The following TLL1 variants were observed in gnomAD, a reference collection of about 807,000 sequenced individuals.
The protein encoded by TLL1 is tolloid-like protein 1.
A neutral mutation model predicts 128.2 loss-of-function variants in TLL1; 49 were observed. The ratio of observed to expected loss-of-function variants is 0.38; its 90% CI spans 0.30 to 0.48. The LOEUF (loss-of-function observed/expected upper bound fraction) is 0.48. Among genes scored for constraint, TLL1 ranks in the 20% least tolerant of loss-of-function variants. The pLI is 0.96. For missense variants in TLL1, 1,123 were observed against 1,242.0 expected (o/e 0.90, Z 1.44); for synonymous variants, 454 against 418.8 (o/e 1.08, Z -1.03).
chr4:166,002,326 A>G (rs1417089766), intron 5 of TLL1, among the ~76,000 whole-genome samples: 2 of 152,192 alleles, frequency 1.3e-5, no homozygotes, highest in Admixed American at 1.3e-4. Context: ...CACCATGAAG[A>G]TCAGGTTTCA....
intron 7 of TLL1, among the ~76,000 whole-genome samples, chr4:166,013,395 C>G (rs1365658926): frequency 1.3e-5 from 2 of 151,760 alleles, no homozygotes; most frequent in African/African-American, 4.8e-5. Context: ...CTAAGTAGAG[C>G]TGAAAATGCT....
chr4:165,929,924 T>G (rs1487751636), intron 1 of TLL1, among the ~76,000 whole-genome samples: 2 of 152,228 alleles, frequency 1.3e-5, no homozygotes, highest in African/African-American at 2.4e-5. Context: ...TTTATATGAT[T>G]AAGTTTGAAG....
chr4:166,080,536 G>A (rs1485743839), intron 18 of TLL1, among the ~76,000 whole-genome samples: 1 of 151,984 alleles, frequency 6.6e-6, no homozygotes, highest in African/African-American at 2.4e-5. Flanking sequence ...AGTCTGTTCT[G>A]TTGATTGTTT....
Position 165,893,452 on chromosome 4 carries a change from G to A in TLL1, c.169+19379G>A, listed in dbSNP as rs1054733190. Among the ~76,000 whole-genome samples, 33 of 152,210 alleles carry A rather than the reference G, an allele frequency of 2.2e-4. 1 individual carries two copies. Among genetic ancestry groups the A allele is most frequent in the Admixed American group, 1.8e-3 (28 of 15,274 alleles). ...ACCAGAGTCTCCTTCTGTTGAAGAGGTGGAGCTGGGAATTCAAAGAATCCA... is the reference window on the plus strand; with the variant it reads ...ACCAGAGTCTCCTTCTGTTGAAGAGATGGAGCTGGGAATTCAAAGAATCCA... On this transcript the variant is annotated intron_variant, in intron 1 of 20. Coordinates refer to ENST00000061240, the MANE Select transcript of TLL1 (RefSeq NM_012464.5).
At chr4:165,911,963 C>T (rs1489240598) in intron 1 of TLL1, among the ~76,000 whole-genome samples, 1 of 152,096 alleles carries the variant, frequency 6.6e-6, no homozygotes, top group Admixed American at 6.5e-5. Flanking sequence ...GCAAGCTCTG[C>T]CTCCCGGGTT....
intron 8 of TLL1, among the ~76,000 whole-genome samples, chr4:166,021,723 G>A (rs966037237): frequency 6.6e-6 from 1 of 152,070 alleles, no homozygotes; most frequent in Non-Finnish European, 1.5e-5. Flanking sequence ...AAGCCACCGC[G>A]CCTGGCCTAT....
At chr4:166,098,736 C>T (rs1333638494) in intron 19 of TLL1, among the ~76,000 whole-genome samples, 3 of 152,040 alleles carry the variant, frequency 2.0e-5, no homozygotes, top group Non-Finnish European at 4.4e-5. Context: ...AACACAAACA[C>T]ACGCAGAGGA....
intron 1 of TLL1, among the ~76,000 whole-genome samples, chr4:165,897,756 T>G (rs1377127478): frequency 4.9e-5 from 7 of 143,430 alleles, no homozygotes; most frequent in Non-Finnish European, 9.1e-5. Context: ...TTGTTTCTAA[T>G]TCTGTGAAGA....
intron 1 of TLL1, among the ~76,000 whole-genome samples, chr4:165,891,366 A>G (rs571146553): frequency 6.6e-6 from 1 of 152,320 alleles, no homozygotes; most frequent in Non-Finnish European, 1.5e-5. Flanking sequence ...TCATCAGGCT[A>G]TAAATTCTCC....
chr4:165,950,332 T>C (rs1050771183), intron 1 of TLL1, among the ~76,000 whole-genome samples: 1 of 152,134 alleles, frequency 6.6e-6, no homozygotes, highest in Non-Finnish European at 1.5e-5. Flanking sequence ...TTGGAGACTT[T>C]AGCATTCCCT....
At chr4:165,898,160 T>C (rs1440866975) in intron 1 of TLL1, among the ~76,000 whole-genome samples, 1 of 152,224 alleles carries the variant, frequency 6.6e-6, no homozygotes, top group Non-Finnish European at 1.5e-5. Context: ...AAATATACAG[T>C]CATGTCATCT....
At chr4:165,931,718 C>CAAAAAAAAAA (rs761214388) in intron 1 of TLL1, among the ~76,000 whole-genome samples, 2 of 133,482 alleles carry the variant, frequency 1.5e-5, no homozygotes, top group Non-Finnish European at 3.2e-5. Flanking sequence ...GACTCTGTCT[C>CAAAAAAAAAA]AAAAGAAAAA....
chr4:165,882,689 G>C (rs1333324667), intron 1 of TLL1, among the ~76,000 whole-genome samples: 1 of 152,060 alleles, frequency 6.6e-6, no homozygotes, highest in Non-Finnish European at 1.5e-5. Flanking sequence ...TGTGATCTCA[G>C]CTCACTGCAA....
At chr4:165,957,110 C>T (rs1231776735) in intron 1 of TLL1, among the ~76,000 whole-genome samples, 1 of 152,010 alleles carries the variant, frequency 6.6e-6, no homozygotes, top group Non-Finnish European at 1.5e-5. Flanking sequence ...TCAAGAGACC[C>T]ATCTCAGATG....
chr4:166,079,958 A>G (rs1449874892), intron 18 of TLL1, among the ~76,000 whole-genome samples: 1 of 152,060 alleles, frequency 6.6e-6, no homozygotes, highest in Admixed American at 6.6e-5. Flanking sequence ...CTTTATCTCT[A>G]TTACCATGTT....
intron 9 of TLL1, among the ~76,000 whole-genome samples, chr4:166,034,737 A>G (rs941384159): frequency 6.6e-6 from 1 of 152,082 alleles, no homozygotes; most frequent in African/African-American, 2.4e-5. Flanking sequence ...GTGTAGTGGG[A>G]ATTTAGGAAA....
At chr4:165,914,748 G>A (rs754886221) in intron 1 of TLL1, among the ~76,000 whole-genome samples, 11 of 152,278 alleles carry the variant, frequency 7.2e-5, no homozygotes, top group Non-Finnish European at 4.4e-5. Flanking sequence ...TGAACTTAGG[G>A]AACTCTTTTA....
intron 10 of TLL1, among the ~76,000 whole-genome samples, chr4:166,041,074 G>A (rs762690762): frequency 3.9e-5 from 6 of 152,154 alleles, no homozygotes; most frequent in Non-Finnish European, 5.9e-5. Flanking sequence ...CATATTTCTG[G>A]ATACAGAATT....
chr4:165,876,049 T>C (rs1029016092), intron 1 of TLL1, among the ~76,000 whole-genome samples: 2 of 152,222 alleles, frequency 1.3e-5, no homozygotes, highest in African/African-American at 2.4e-5. Flanking sequence ...TTCTCTGTTT[T>C]TGAGAAGAGG....
Sources: allele counts gnomAD v4.1 joint callset (sites outside exome capture counted in the v4.1 genomes callset), GRCh38; gene constraint gnomAD v4.1.1; transcripts MANE v1.5; gene names NCBI Gene and HGNC (gene_info 2026-07-23, HGNC 2026-07-21).